The following SHISA9 variants were observed in gnomAD, a reference collection of about 807,000 sequenced individuals.
SHISA9 encodes the protein shisa family member 9.
SHISA9 carries 13 observed loss-of-function variants against 38.0 expected under a neutral mutation model. The ratio of observed to expected loss-of-function variants is 0.34; its 90% CI spans 0.22 to 0.54. SHISA9 has a LOEUF of 0.54. Ranked by LOEUF, SHISA9 falls within the 20% of genes least tolerant of loss-of-function variation. The pLI, the probability that SHISA9 is intolerant of heterozygous loss-of-function variation, is 0.91. For synonymous variants in SHISA9, 275 were observed against 242.0 expected (o/e 1.14, Z -1.27); for missense variants, 538 against 575.8 (o/e 0.93, Z 0.67).
the SHISA9 span, among the ~76,000 whole-genome samples, chr16:13,300,038 C>A: frequency 6.6e-6 from 1 of 152,078 alleles, no homozygotes; most frequent in East Asian, 1.9e-4. Flanking sequence ...CCGTTCAACT[C>A]CCCCTATTTC....
At chr16:13,155,166 C>T (rs1231219136) in intron 2 of SHISA9, among the ~76,000 whole-genome samples, 3 of 152,120 alleles carry the variant, frequency 2.0e-5, no homozygotes, top group Admixed American at 6.5e-5. Context: ...TAGATTAGAA[C>T]AGAATGGATT....
At chr16:13,370,214 G>A in the SHISA9 span, among the ~76,000 whole-genome samples, 1 of 152,156 alleles carries the variant, frequency 6.6e-6, no homozygotes, top group Non-Finnish European at 1.5e-5. Context: ...AACGACCAAC[G>A]TAACTTGTGT....
chr16:13,221,342 T>A (rs921953468), intron 4 of SHISA9, among the ~76,000 whole-genome samples: 1 of 152,184 alleles, frequency 6.6e-6, no homozygotes, highest in African/African-American at 2.4e-5. Context: ...TCAGGCTTTT[T>A]TTTTCCTGCC....
rs150818591 is a variant in SHISA9, at chr16:13,075,281, G to A, written c.692-128113G>A. On this transcript the variant is annotated intron_variant, in intron 2 of 4. Coordinates refer to ENST00000558583, the MANE Select transcript of SHISA9 (RefSeq NM_001145204.3). ...CAACATGCTGCATAATTACATACTT[G>A]GGAAGTTTCCATTATTCACCATGTT... is the stretch of plus-strand genomic sequence containing the variant. 4.1e-3 allele frequency among the ~76,000 whole-genome samples: 628 copies of A among 152,278 alleles called. 5 individuals carry two copies. The highest frequency in any genetic ancestry group is 0.014 in the African/African-American group (599 of 41,558).
chr16:13,473,854 A>C, the SHISA9 span, among the ~76,000 whole-genome samples: 1 of 152,052 alleles, frequency 6.6e-6, no homozygotes, highest in African/African-American at 2.4e-5. Context: ...CTGATTTTTT[A>C]CTGTTTGGAA....
chr16:13,488,632 T>C, the SHISA9 span, among the ~76,000 whole-genome samples: 2 of 152,136 alleles, frequency 1.3e-5, no homozygotes, highest in Non-Finnish European at 2.9e-5. Flanking sequence ...CTAGGAGTAA[T>C]AGGCTGTACC....
chr16:13,279,025 T>C, the SHISA9 span, among the ~76,000 whole-genome samples: 1 of 151,994 alleles, frequency 6.6e-6, no homozygotes, highest in African/African-American at 2.4e-5. Context: ...GCACTTTCAG[T>C]CTTCCTGATG....
chr16:13,026,006 T>G (rs1472460176), intron 2 of SHISA9, among the ~76,000 whole-genome samples: 1 of 152,156 alleles, frequency 6.6e-6, no homozygotes, highest in Non-Finnish European at 1.5e-5. Context: ...GGTTTCTCCA[T>G]GTTGGTCAGG....
chr16:13,553,297 T>A, the SHISA9 span, among the ~76,000 whole-genome samples: 15 of 152,224 alleles, frequency 9.9e-5, no homozygotes, highest in Non-Finnish European at 1.5e-5. Flanking sequence ...AGATGACACA[T>A]ATTTTTCCAC....
At chr16:13,103,619 A>T (rs2141959489) in intron 2 of SHISA9, among the ~76,000 whole-genome samples, 1 of 152,072 alleles carries the variant, frequency 6.6e-6, no homozygotes, top group East Asian at 1.9e-4. Context: ...AATTGTGCAC[A>T]TTTTCTGGCT....
the SHISA9 span, among the ~76,000 whole-genome samples, chr16:13,468,183 G>C: frequency 2.0e-5 from 3 of 152,158 alleles, no homozygotes; most frequent in African/African-American, 4.8e-5. Flanking sequence ...TATTTCAAGA[G>C]GCCTTTTAAA....
rs953317449 is a variant in SHISA9 at position 13,236,205 on chromosome 16, T to C, written c.*796T>C. ...GACCGTGGAAATGGGAGGGATGGGC[T>C]TTTACGGAGAGGGTCCGGAGAGTAT... On this transcript the variant is annotated 3_prime_UTR_variant, in exon 5 of 5. Transcript: ENST00000558583. 3 of 152,088 alleles carry C rather than the reference T, an allele frequency of 2.0e-5. No individual in the cohort carries two copies. The highest frequency in any genetic ancestry group is 7.2e-5 in the African/African-American group (3 of 41,412). 9.4% of individuals were successfully genotyped at this position (152,088 alleles called of 1,614,324 possible).
intron 1 of SHISA9, among the ~76,000 whole-genome samples, chr16:12,905,139 T>C (rs894177118): frequency 2.6e-5 from 4 of 152,216 alleles, no homozygotes; most frequent in Non-Finnish European, 4.4e-5. Context: ...GGGGTGTGTG[T>C]GTGTGTGCAA....
intron 4 of SHISA9, among the ~76,000 whole-genome samples, chr16:13,221,300 T>TCTA (rs1365270423): frequency 2.6e-5 from 4 of 152,166 alleles, no homozygotes; most frequent in Non-Finnish European, 5.9e-5. Context: ...AAATCTTCCA[T>TCTA]CTACTCCCTG....
chr16:13,000,856 T>C (rs1450295149), intron 2 of SHISA9, among the ~76,000 whole-genome samples: 1 of 152,172 alleles, frequency 6.6e-6, no homozygotes, highest in Non-Finnish European at 1.5e-5. Context: ...GAAATAAAGC[T>C]TTTTCCTGGA....
chr16:13,191,257 G>A (rs1596716844), intron 2 of SHISA9, among the ~76,000 whole-genome samples: 2 of 152,208 alleles, frequency 1.3e-5, no homozygotes, highest in South Asian at 4.1e-4. Flanking sequence ...AGACTAACTA[G>A]TGCAATTGGC....
At chr16:13,223,549 TG>T (rs577248709) in intron 4 of SHISA9, among the ~76,000 whole-genome samples, 1 of 152,218 alleles carries the variant, frequency 6.6e-6, no homozygotes, top group African/African-American at 2.4e-5. Flanking sequence ...TTTTCAAGAC[TG>T]GGGGCTCTAC....
the SHISA9 span, among the ~76,000 whole-genome samples, chr16:13,490,936 G>A: frequency 6.6e-6 from 1 of 152,132 alleles, no homozygotes; most frequent in Non-Finnish European, 1.5e-5. Context: ...GCCCTTTTAA[G>A]TTTTCCTGTG....
At chr16:13,119,296 A>G (rs1257037777) in intron 2 of SHISA9, among the ~76,000 whole-genome samples, 1 of 150,000 alleles carries the variant, frequency 6.7e-6, no homozygotes, top group Non-Finnish European at 1.5e-5. Context: ...AAATGTTATC[A>G]TTGATTTTAG....
Sources: gnomAD v4.1 joint callset for allele counts (sites outside exome capture counted in the v4.1 genomes callset) on GRCh38, gnomAD v4.1.1 for gene constraint, MANE v1.5 for transcripts, NCBI Gene and HGNC (gene_info 2026-07-23, HGNC 2026-07-21) for gene names.